RECK: variants seen among roughly 807,000 people sequenced by gnomAD.
RECK encodes reversion-inducing cysteine-rich protein with Kazal motifs.
A neutral mutation model predicts 115.1 loss-of-function variants in RECK; 69 were observed. That is an observed-to-expected ratio of 0.60 (90% confidence interval 0.49 to 0.73). RECK has a LOEUF of 0.73. Among genes scored for constraint, RECK ranks in the 30% least tolerant of loss-of-function variants. The pLI, the probability that RECK is intolerant of heterozygous loss-of-function variation, is 0.00. For synonymous variants in RECK, 414 were observed against 419.7 expected (o/e 0.99, Z 0.17); for missense variants, 1,047 against 1,203.7 (o/e 0.87, Z 1.93).
At chr9:36,095,825 CT>C (rs1474251468) in intron 10 of RECK, among the ~76,000 whole-genome samples, 2 of 150,968 alleles carry the variant, frequency 1.3e-5, no homozygotes, top group Non-Finnish European at 2.9e-5. Context: ...AATCCTAGCA[CT>C]TTGGGAGGCT....
At chr9:36,109,933 A>G (rs374190959) in intron 14 of RECK, 24 bp from the exon 15 acceptor site, 1 of 1,591,526 alleles carries the variant, frequency 6.3e-7, no homozygotes, top group African/African-American at 1.3e-5. Context: ...ATATAGATCA[A>G]CATTTTCTTT....
chr9:36,071,700 G>C (rs1822235872), intron 6 of RECK, among the ~76,000 whole-genome samples: 1 of 152,168 alleles, frequency 6.6e-6, no homozygotes, highest in African/African-American at 2.4e-5. Context: ...AAAGTTAGTA[G>C]GGGGTATTTT....
chr9:36,066,739 A>T, intron 6 of RECK: 1 of 1,178,694 alleles, frequency 8.5e-7, no homozygotes, highest in Non-Finnish European at 1.1e-6. Context: ...TTTCTCCTAC[A>T]TGATGTCTGA....
chr9:36,120,183 C>T (rs1461592646), intron 18 of RECK, among the ~76,000 whole-genome samples: 3 of 151,512 alleles, frequency 2.0e-5, no homozygotes, highest in Admixed American at 6.6e-5. Flanking sequence ...TGCAGTGAGC[C>T]GAGATCGCGC....
chr9:36,108,723 T>A (rs1393123567), intron 14 of RECK, among the ~76,000 whole-genome samples: 1 of 152,130 alleles, frequency 6.6e-6, no homozygotes, highest in Admixed American at 6.5e-5. Context: ...GGAACTACAC[T>A]GTTAGGAGTT....
intron 5 of RECK, 98 bp downstream of exon 5, chr9:36,063,978 G>A (rs1301514543): frequency 6.9e-6 from 8 of 1,165,562 alleles, no homozygotes; most frequent in Non-Finnish European, 1.0e-5. Flanking sequence ...GCTTTGCAGA[G>A]GTAACCCGTA....
At chr9:36,098,466 A>G (rs1220931210) in intron 10 of RECK, among the ~76,000 whole-genome samples, 1 of 152,234 alleles carries the variant, frequency 6.6e-6, no homozygotes, top group Non-Finnish European at 1.5e-5. Flanking sequence ...AATGCCTGAA[A>G]TTAAAAGACT....
At chr9:36,109,855 A>AT in intron 14 of RECK, 102 bp from the exon 15 acceptor site, 3 of 1,174,194 alleles carry the variant, frequency 2.6e-6, no homozygotes, top group Non-Finnish European at 3.6e-6. Flanking sequence ...AAAAAAAAAA[A>AT]GGAATTTCCA....
intron 11 of RECK, among the ~76,000 whole-genome samples, chr9:36,101,388 C>T (rs762471928): frequency 2.4e-4 from 37 of 152,152 alleles, no homozygotes; most frequent in Non-Finnish European, 4.9e-4. Context: ...TCTTTTTTTC[C>T]AAAAGTTTTC....
At chr9:36,063,721 C>T (rs999420211) in intron 4 of RECK, 74 bp from the exon 5 acceptor site, 3 of 1,371,426 alleles carry the variant, frequency 2.2e-6, no homozygotes, top group Admixed American at 3.6e-5. Context: ...TTAGTAGTAG[C>T]CTTGAAACAT....
At chr9:36,116,690 G>A (rs1422522587) in intron 16 of RECK, among the ~76,000 whole-genome samples, 1 of 152,120 alleles carries the variant, frequency 6.6e-6, no homozygotes, top group East Asian at 1.9e-4. Context: ...AGCCCATGCT[G>A]CCCCCTTTGC....
At chr9:36,100,257 G>T (rs535053451) in intron 10 of RECK, 74 bp from the exon 11 acceptor site, 11 of 1,244,422 alleles carry the variant, frequency 8.8e-6, no homozygotes, top group Non-Finnish European at 1.3e-5. Context: ...GCATTAGTAT[G>T]TCAGGATTTT....
At chr9:36,082,152 T>TTCTCTCTCTCTCTTTCTCTC (rs373078886) in intron 7 of RECK, among the ~76,000 whole-genome samples, 94 of 113,696 alleles carry the variant, frequency 8.3e-4, no homozygotes, top group African/African-American at 2.8e-3. Flanking sequence ...CCTCCCTGCT[T>TTCTCTCTCTCTCTTTCTCTC]TCTCTCTCTC....
At chr9:36,057,558 G>T (rs989199006) in intron 2 of RECK, among the ~76,000 whole-genome samples, 1 of 152,178 alleles carries the variant, frequency 6.6e-6, no homozygotes, top group Non-Finnish European at 1.5e-5. Flanking sequence ...AGGCTCATGC[G>T]TGTGGTCCCA....
chr9:36,037,107 C>A lies in RECK; in HGVS notation c.100+9C>A. On this transcript the variant is annotated intron_variant, in intron 1 of 20. Transcript: ENST00000377966. ...GGCTCCGGGCAGTGCGGGTGAGTAA[C>A]CTCCAGAGCAACGGTTCGAAGCTGT... The A allele has an allele frequency of 7.7e-7, 1 of 1,299,502 alleles. No individual in the cohort carries two copies. Among genetic ancestry groups the A allele is most frequent in the Middle Eastern group, 2.0e-4 (1 of 4,882 alleles). 80.5% of individuals were successfully genotyped at this position (1,299,502 alleles called of 1,614,324 possible). A position where few individuals can be genotyped will look rare whatever the true frequency, so the allele number is the denominator to read the frequency against.
intron 7 of RECK, 36 bp from the exon 8 acceptor site, chr9:36,083,329 T>C (rs923556438): frequency 7.5e-6 from 12 of 1,596,244 alleles, no homozygotes; most frequent in Non-Finnish European, 9.4e-6. Flanking sequence ...CAAAAAGCTG[T>C]TTCCATGTCA....
intron 9 of RECK, among the ~76,000 whole-genome samples, chr9:36,089,705 A>G (rs1823089852): frequency 6.6e-6 from 1 of 152,218 alleles, no homozygotes; most frequent in Non-Finnish European, 1.5e-5. Context: ...ATATATGAAC[A>G]TAAATGAATG....
chr9:36,043,191 A>ATTTTTTTTT (rs761649232), intron 1 of RECK, among the ~76,000 whole-genome samples: 5 of 53,986 alleles, frequency 9.3e-5, no homozygotes, highest in Admixed American at 2.5e-4. Flanking sequence ...CGCCTGGCTA[A>ATTTTTTTTT]TTTTTTTTTT....
chr9:36,112,526 A>G (rs1340310995), intron 16 of RECK, 50 bp downstream of exon 16: 2 of 1,560,580 alleles, frequency 1.3e-6, no homozygotes, highest in Non-Finnish European at 1.8e-6. Context: ...AGTACTTACA[A>G]AGCATCTACC....
Sources: gnomAD v4.1 joint callset for allele counts (sites outside exome capture counted in the v4.1 genomes callset) on GRCh38, gnomAD v4.1.1 for gene constraint, MANE v1.5 for transcripts, NCBI Gene and HGNC (gene_info 2026-07-23, HGNC 2026-07-21) for gene names.